The following FRMPD4 variants were observed in gnomAD, a reference collection of about 807,000 sequenced individuals.
The protein encoded by FRMPD4 is FERM and PDZ domain-containing protein 4.
A neutral mutation model predicts 94.1 loss-of-function variants in FRMPD4; 22 were observed. That is an observed-to-expected ratio of 0.23 (90% confidence interval 0.17 to 0.33). The LOEUF is 0.33. FRMPD4 is among the 10% of genes least tolerant of loss of function. The pLI is 1.00. For synonymous variants in FRMPD4, 631 were observed against 548.6 expected (o/e 1.15, Z -2.10); for missense variants, 1,111 against 1,339.9 (o/e 0.83, Z 2.67).
At chrX:12,148,608 T>C (rs898240370) in intron 1 of FRMPD4, among the ~76,000 whole-genome samples, 1 of 112,651 alleles carries the variant, frequency 8.9e-6, no homozygotes, top group Non-Finnish European at 1.9e-5. Flanking sequence ...CTGATGAAGA[T>C]GACTACACTA....
chrX:12,162,069 A>G (rs980052774), intron 1 of FRMPD4, among the ~76,000 whole-genome samples: 1 of 112,262 alleles, frequency 8.9e-6, no homozygotes, highest in Non-Finnish European at 1.9e-5. Context: ...AATAAAAAAG[A>G]AAAGAAAAAA....
intron 3 of FRMPD4, among the ~76,000 whole-genome samples, chrX:11,952,290 C>T (rs188255682): frequency 2.2e-3 from 244 of 112,222 alleles, no homozygotes; most frequent in African/African-American, 7.6e-3. Flanking sequence ...AAGCAGGCTC[C>T]TTCCCAGGCA....
At chrX:12,529,011 T>C (rs1187640770) in intron 2 of FRMPD4, among the ~76,000 whole-genome samples, 5 of 112,651 alleles carry the variant, frequency 4.4e-5, no homozygotes, top group Non-Finnish European at 7.5e-5. Flanking sequence ...CTTAGTGGCC[T>C]AAAACAACTT....
intron 4 of FRMPD4, among the ~76,000 whole-genome samples, chrX:12,629,013 C>T (rs2053297): frequency 0.2 from 22,312 of 111,148 alleles, 2,128 homozygotes; most frequent in Non-Finnish European, 0.29. Flanking sequence ...TAAAACCACT[C>T]GATCTCATGA....
chrX:12,322,413 G>A (rs1343959914), intron 1 of FRMPD4, among the ~76,000 whole-genome samples: 1 of 111,208 alleles, frequency 9.0e-6, no homozygotes, highest in East Asian at 2.8e-4. Context: ...ATGGAGAGGG[G>A]CAACTGGTCC....
intron 4 of FRMPD4, among the ~76,000 whole-genome samples, chrX:12,667,404 A>G (rs1602289609): frequency 8.9e-6 from 1 of 112,577 alleles, no homozygotes; most frequent in East Asian, 2.8e-4. Flanking sequence ...CTGTTAAATT[A>G]GTATCAGTGT....
At chrX:12,095,021 C>A (rs1009290613) in intron 3 of FRMPD4, among the ~76,000 whole-genome samples, 1 of 111,494 alleles carries the variant, frequency 9.0e-6, no homozygotes, top group Non-Finnish European at 1.9e-5. Flanking sequence ...GGCTCATGAC[C>A]TAAATTCAGC....
chrX:12,514,049 A>G (rs770703981), intron 2 of FRMPD4, among the ~76,000 whole-genome samples: 1 of 111,172 alleles, frequency 9.0e-6, no homozygotes, highest in South Asian at 3.8e-4. Flanking sequence ...AATGCTTGTG[A>G]TTTTTGCACA....
chrX:12,131,127 G>T (rs2055549224), intron 3 of FRMPD4, among the ~76,000 whole-genome samples: 1 of 111,891 alleles, frequency 8.9e-6, no homozygotes, highest in African/African-American at 3.3e-5. Context: ...AGAGGGTGGG[G>T]TTAAAGAAAG....
chrX:12,711,649 TA>T (rs1053445790), intron 14 of FRMPD4, among the ~76,000 whole-genome samples: 98 of 110,624 alleles, frequency 8.9e-4, no homozygotes, highest in African/African-American at 2.9e-3. Flanking sequence ...ACTGAGCCAT[TA>T]AAAAAAAGTA....
At chrX:11,831,355 G>A (rs1180276271) in intron 1 of FRMPD4, among the ~76,000 whole-genome samples, 1 of 111,552 alleles carries the variant, frequency 9.0e-6, no homozygotes, top group East Asian at 2.8e-4. Context: ...TTCATGCCTG[G>A]ATTATGGCGG....
chrX:12,468,409 A>G (rs1326033357), intron 1 of FRMPD4, among the ~76,000 whole-genome samples: 3 of 111,756 alleles, frequency 2.7e-5, no homozygotes, highest in Non-Finnish European at 5.6e-5. Context: ...ATAAAATGAA[A>G]ATTTAACAAA....
chrX:12,707,415 G>T, intron 12 of FRMPD4, 54 bp from the exon 13 acceptor site: 1 of 902,364 alleles, frequency 1.1e-6, no homozygotes, highest in South Asian at 2.4e-5. Flanking sequence ...GGTTCAAGTT[G>T]GCATAGCATT....
Position 12,182,559 on chromosome X carries a change from A to AAAATAAAT in FRMPD4, c.41+43561_41+43568dup, listed in dbSNP as rs10647183. On this transcript the variant is annotated intron_variant, in intron 1 of 16. Transcript: ENST00000675598. Reference sequence around the variant, plus strand: ...CTTTGTTCAGTCTCTTAGGAGGGGGAAAATAAATAAATAAATAAATATATA... The same window carrying AAAATAAAT: ...CTTTGTTCAGTCTCTTAGGAGGGGGAAAATAAATAAATAAATAAATAAATAAATATATA... Among the ~76,000 whole-genome samples the AAAATAAAT allele has an allele frequency of 5.4e-4, 55 of 101,662 alleles. No individual in the cohort carries two copies. In the East Asian group the frequency reaches 6.8e-3, roughly 13 times the overall value. The allele number at this position is 101,662 out of a possible 115,157, so 88.3% of individuals were successfully genotyped here.
At chrX:12,099,702 G>A (rs1195393591) in intron 3 of FRMPD4, among the ~76,000 whole-genome samples, 1 of 111,935 alleles carries the variant, frequency 8.9e-6, no homozygotes, top group Non-Finnish European at 1.9e-5. Flanking sequence ...GTGTTTAGTT[G>A]AGCAGAATTT....
At chrX:12,026,314 A>G (rs867225141) in intron 3 of FRMPD4, among the ~76,000 whole-genome samples, 2 of 111,882 alleles carry the variant, frequency 1.8e-5, no homozygotes, top group South Asian at 7.5e-4. Flanking sequence ...ATTTTTATGT[A>G]TCACTGAGGT....
At chrX:12,327,510 G>C (rs2055306730) in intron 1 of FRMPD4, among the ~76,000 whole-genome samples, 1 of 111,945 alleles carries the variant, frequency 8.9e-6, no homozygotes, top group African/African-American at 3.2e-5. Context: ...TTTCCAATCT[G>C]ATCAAACCTA....
At chrX:12,482,317 T>A (rs977757199) in intron 1 of FRMPD4, among the ~76,000 whole-genome samples, 40 of 112,408 alleles carry the variant, frequency 3.6e-4, no homozygotes, top group Admixed American at 2.8e-3. Context: ...AGTTAGATAT[T>A]TACAGTCAAT....
At chrX:12,129,333 G>C (rs1034516425) in intron 3 of FRMPD4, among the ~76,000 whole-genome samples, 1 of 111,732 alleles carries the variant, frequency 8.9e-6, no homozygotes, top group Non-Finnish European at 1.9e-5. Context: ...GGCAGCAGGA[G>C]AGAGAAGTGC....
Sources: allele counts gnomAD v4.1 joint callset (sites outside exome capture counted in the v4.1 genomes callset), GRCh38; gene constraint gnomAD v4.1.1; transcripts MANE v1.5; gene names NCBI Gene and HGNC (gene_info 2026-07-23, HGNC 2026-07-21).